The following GRAP2 variants were observed in gnomAD, a reference collection of about 807,000 sequenced individuals.
GRAP2 encodes GRB2 related adaptor protein 2, also known as GRB2-related adapter protein 2.
A neutral mutation model predicts 43.5 loss-of-function variants in GRAP2; 31 were observed. The observed-to-expected ratio is 0.71, with a 90% CI of 0.54 to 0.96. GRAP2 has a LOEUF of 0.96. Ranked by LOEUF, GRAP2 falls within the 40% of genes least tolerant of loss-of-function variation. The pLI, the probability that GRAP2 is intolerant of heterozygous loss-of-function variation, is 0.00. For synonymous variants in GRAP2, 156 were observed against 164.8 expected (o/e 0.95, Z 0.41); for missense variants, 371 against 424.4 (o/e 0.87, Z 1.11).
At chr22:39,897,503 T>C (rs1207164217), upstream of GRAP2, among the ~76,000 whole-genome samples, 1 of 151,362 alleles carries the variant, frequency 6.6e-6, no homozygotes, top group East Asian at 1.9e-4. Flanking sequence ...GTCTGGACTA[T>C]GAAAGTAGCC....
chr22:39,930,871 GC>G (rs879423821), intron 1 of GRAP2, among the ~76,000 whole-genome samples: 3 of 152,204 alleles, frequency 2.0e-5, no homozygotes, highest in Admixed American at 2.0e-4. Context: ...TCTCTACTCT[GC>G]CTAGCTACTT....
At chr22:39,912,872 G>A (rs377276385) in intron 1 of GRAP2, among the ~76,000 whole-genome samples, 6 of 151,948 alleles carry the variant, frequency 3.9e-5, no homozygotes, top group East Asian at 1.9e-4. Flanking sequence ...CTGGTACTCC[G>A]TGCACAAAGG....
intron 1 of GRAP2, among the ~76,000 whole-genome samples, chr22:39,937,820 T>G (rs1003632958): frequency 5.9e-5 from 9 of 152,082 alleles, no homozygotes; most frequent in Non-Finnish European, 1.3e-4. Context: ...AACCTCCCAC[T>G]GAGGTAGGCA....
intron 1 of GRAP2, among the ~76,000 whole-genome samples, chr22:39,915,811 T>C (rs2066598361): frequency 6.6e-6 from 1 of 152,120 alleles, no homozygotes; most frequent in African/African-American, 2.4e-5. Context: ...AGCTGGATGA[T>C]ATGTAAAAAT....
At chr22:39,926,729 T>C in intron 1 of GRAP2, 4 of 985,414 alleles carry the variant, frequency 4.1e-6, no homozygotes, top group Non-Finnish European at 3.6e-6. Flanking sequence ...TGGAAATTGT[T>C]AATGGGGACT....
intron 1 of GRAP2, among the ~76,000 whole-genome samples, chr22:39,941,753 T>C (rs898378358): frequency 6.6e-6 from 1 of 152,134 alleles, no homozygotes; most frequent in African/African-American, 2.4e-5. Flanking sequence ...TGACAGAGAC[T>C]AGATGGCCAA....
chr22:39,958,137 C>T (rs1420163909), intron 3 of GRAP2, among the ~76,000 whole-genome samples: 1 of 152,080 alleles, frequency 6.6e-6, no homozygotes, highest in East Asian at 1.9e-4. Flanking sequence ...TGGGGATCCC[C>T]CCTCCCACTG....
intron 1 of GRAP2, among the ~76,000 whole-genome samples, chr22:39,919,786 C>A (rs1402389691): frequency 1.3e-5 from 2 of 152,172 alleles, no homozygotes; most frequent in Non-Finnish European, 2.9e-5. Context: ...AGTAAGTCCT[C>A]CCATAAATAT....
rs1393121441 is a variant in GRAP2, at chr22:39,971,159, A to G, written c.*75A>G. 3.7e-6 allele frequency: 4 copies of G among 1,084,712 alleles called. No individual in the cohort carries two copies. Among genetic ancestry groups the G allele is most frequent in the Non-Finnish European group, 4.1e-6 (3 of 724,078 alleles). 67.2% of individuals were successfully genotyped at this position (1,084,712 alleles called of 1,614,324 possible). A position where few individuals can be genotyped will look rare whatever the true frequency, so the allele number is the denominator to read the frequency against. ...GGGCAAGGAAAAAAGGCTGGACTCC[A>G]TGACTATATATACATACATCTATCT... is the stretch of plus-strand genomic sequence containing the variant. On this transcript the variant is annotated 3_prime_UTR_variant, in exon 8 of 8. Transcript: ENST00000344138.
chr22:39,915,889 A>G (rs1304537060), intron 1 of GRAP2, among the ~76,000 whole-genome samples: 1 of 152,196 alleles, frequency 6.6e-6, no homozygotes. Flanking sequence ...GCTTCCATCA[A>G]CAAGCTAGGG....
At chr22:39,909,912 A>G (rs1396445593) in intron 1 of GRAP2, among the ~76,000 whole-genome samples, 1 of 152,206 alleles carries the variant, frequency 6.6e-6, no homozygotes, top group African/African-American at 2.4e-5. Flanking sequence ...TTTATTTTGC[A>G]AACAACAAAG....
chr22:39,947,339 A>AC, intron 2 of GRAP2, 155 bp downstream of exon 2: 1 of 628,304 alleles, frequency 1.6e-6, no homozygotes, highest in Non-Finnish European at 2.9e-6. Context: ...CCAGACACCA[A>AC]CCAGGCCGGG....
Position 39,947,153 on chromosome 22 carries a change from A to G in GRAP2, c.47A>G (p.Glu16Gly), listed in dbSNP as rs2066931632. The change falls in exon 2 of 8, where the codon GAA becomes GGA. Residue 16 changes from glutamate (E) to glycine (G), a missense_variant. Transcript: ENST00000344138. ...GATTTCACTGCTTCAGGTGAGGATG[A>G]ACTGAGCTTTCACACTGGAGATGTT... is the stretch of plus-strand genomic sequence containing the variant. ...KFDFTASGED[E>G]LSFHTGDVLK... is the part of the protein sequence containing the mutation. The G allele has an allele frequency of 1.9e-6, 3 of 1,604,284 alleles. No homozygotes were observed. The South Asian group carries it at 3.3e-5, about 18-fold the overall frequency.
intron 6 of GRAP2, chr22:39,968,692 C>T (rs148151563): frequency 9.0e-4 from 163 of 181,998 alleles, no homozygotes; most frequent in African/African-American, 3.7e-3. Flanking sequence ...CCCTTGTTCC[C>T]GATGGGATTT....
At chr22:39,965,940 G>A in intron 4 of GRAP2, 50 bp from the exon 5 acceptor site, 1 of 1,477,292 alleles carries the variant, frequency 6.8e-7, no homozygotes, top group African/African-American at 1.4e-5. Context: ...CCTGGAGGTG[G>A]TGACATTATC....
chr22:39,923,673 T>C lies in GRAP2; in HGVS notation c.-15+22343T>C, dbSNP rs550562709. On this transcript the variant is annotated intron_variant, in intron 1 of 7. Coordinates refer to ENST00000344138, the MANE Select transcript of GRAP2 (RefSeq NM_004810.4). Reference sequence around the variant, plus strand: ...GAGTAAAAAGAAACAGTCATTTCCTTTACTAATGAGGAAAGAAAAGGAAAA... The same window carrying C: ...GAGTAAAAAGAAACAGTCATTTCCTCTACTAATGAGGAAAGAAAAGGAAAA... Among the ~76,000 whole-genome samples the C allele has an allele frequency of 3.3e-5, 5 of 152,308 alleles. No individual in the cohort carries two copies. In the South Asian group the frequency reaches 6.2e-4, roughly 19 times the overall value.
chr22:39,896,058 C>T, the GRAP2 span, among the ~76,000 whole-genome samples: 1 of 152,186 alleles, frequency 6.6e-6, no homozygotes, highest in African/African-American at 2.4e-5. Flanking sequence ...GCAACTCAGT[C>T]ACAAGTGGAC....
chr22:39,957,484 C>G (rs1261826250), intron 3 of GRAP2, among the ~76,000 whole-genome samples: 2 of 152,202 alleles, frequency 1.3e-5, no homozygotes, highest in Non-Finnish European at 2.9e-5. Context: ...TTTCCTGCAG[C>G]TGGCTGGAAG....
At chr22:39,959,069 A>G (rs994611192) in intron 3 of GRAP2, among the ~76,000 whole-genome samples, 1 of 152,228 alleles carries the variant, frequency 6.6e-6, no homozygotes, top group Admixed American at 6.5e-5. Context: ...CATGCGTATG[A>G]GCCTTCTGGT....
Sources: gnomAD v4.1 joint callset for allele counts (sites outside exome capture counted in the v4.1 genomes callset) on GRCh38, gnomAD v4.1.1 for gene constraint, MANE v1.5 for transcripts, NCBI Gene and HGNC (gene_info 2026-07-23, HGNC 2026-07-21) for gene names.